Variants in PLEKHO2 observed in about 807,000 individuals in gnomAD.
PLEKHO2 encodes pleckstrin homology domain-containing family O member 2.
PLEKHO2 carries 20 observed loss-of-function variants against 32.7 expected under a neutral mutation model. The ratio of observed to expected loss-of-function variants is 0.61; its 90% CI spans 0.43 to 0.89. The LOEUF (loss-of-function observed/expected upper bound fraction) is 0.89, where lower values mean the gene tolerates loss of function less well. PLEKHO2 is among the 40% of genes least tolerant of loss of function. The probability of loss-of-function intolerance (pLI) is 0.00; values close to 1 mark genes in which losing one functional copy is unlikely to be tolerated. For missense variants in PLEKHO2, 568 were observed against 621.2 expected, an observed-to-expected ratio of 0.91 and a Z score of 0.91; for synonymous variants, 247 against 246.3, an observed-to-expected ratio of 1.00 and a Z score of -0.03.
At chr15:64,845,025 A>ACT (rs2084512769) in intron 1 of PLEKHO2, among the ~76,000 whole-genome samples, 1 of 152,054 alleles carries the variant, frequency 6.6e-6, no homozygotes, top group South Asian at 2.1e-4. Flanking sequence ...CCGGCACAGG[A>ACT]CTCTGACACG....
intron 1 of PLEKHO2, among the ~76,000 whole-genome samples, chr15:64,843,030 A>C (rs1433797667): frequency 6.6e-6 from 1 of 152,116 alleles, no homozygotes; most frequent in African/African-American, 2.4e-5. Flanking sequence ...ATGGGGAGGA[A>C]AGATGAAGTT....
intron 2 of PLEKHO2, among the ~76,000 whole-genome samples, chr15:64,854,100 C>T (rs1292272444): frequency 6.6e-6 from 1 of 152,196 alleles, no homozygotes; most frequent in African/African-American, 2.4e-5. Flanking sequence ...CAGTTGACCA[C>T]CACTGAGGGA....
chr15:64,854,909 C>A lies in PLEKHO2; in HGVS notation c.163-12C>A. On this transcript the variant is annotated splice_polypyrimidine_tract_variant and intron_variant, in intron 2 of 5. Coordinates refer to ENST00000323544, the MANE Select transcript of PLEKHO2 (RefSeq NM_025201.5). ...TGTCACCAGCTCATGTCCCTTCTGTCTCCCTCCCCAGGATGATCAGAAGTG... is the reference window on the plus strand; with the variant it reads ...TGTCACCAGCTCATGTCCCTTCTGTATCCCTCCCCAGGATGATCAGAAGTG... 1 of 1,607,142 alleles carries A rather than the reference C, an allele frequency of 6.2e-7. No individual in the cohort carries two copies. Among genetic ancestry groups the A allele is most frequent in the Non-Finnish European group, 8.5e-7 (1 of 1,174,154 alleles).
At chr15:64,849,558 C>G (rs2084550595) in intron 2 of PLEKHO2, among the ~76,000 whole-genome samples, 1 of 152,000 alleles carries the variant, frequency 6.6e-6, no homozygotes, top group African/African-American at 2.4e-5. Context: ...ATTCTCCTGC[C>G]TCAGCCTCCC....
At position 64,861,588 on chromosome 15, in the gene PLEKHO2, C is replaced by T; in HGVS notation, c.483+13C>T. The T allele has an allele frequency of 6.3e-7, 1 of 1,577,500 alleles. No homozygotes were observed. The highest frequency in any genetic ancestry group is 2.3e-5 in the East Asian group (1 of 43,078). On this transcript the variant is annotated intron_variant, in intron 5 of 5. Coordinates refer to ENST00000323544, the MANE Select transcript of PLEKHO2 (RefSeq NM_025201.5). Reference sequence around the variant, plus strand: ...CCACCTGAAGGAGGTAGGGCCTTACCCAGTGTGGATGTTGGGGTTAGTTGA... The same window carrying T: ...CCACCTGAAGGAGGTAGGGCCTTACTCAGTGTGGATGTTGGGGTTAGTTGA...
intron 3 of PLEKHO2, among the ~76,000 whole-genome samples, chr15:64,857,609 G>C (rs531601875): frequency 6.6e-6 from 1 of 152,148 alleles, no homozygotes; most frequent in South Asian, 2.1e-4. Context: ...TGCCTGGCTC[G>C]TTCAGCCAGA....
Position 64,846,787 on chromosome 15 carries a change from A to G in PLEKHO2, c.13-1806A>G, listed in dbSNP as rs1237353460. ...TGACTTGGGAACTGGGCCCAGGGAG[A>G]GGGTCCCTGAGAGCCAGAGAGGATG... On this transcript the variant is annotated intron_variant, in intron 1 of 5. Transcript: ENST00000323544. Among the ~76,000 whole-genome samples the G allele has an allele frequency of 3.3e-5, 5 of 152,312 alleles. No homozygotes were observed. The East Asian group carries it at 5.8e-4, about 18-fold the overall frequency.
At chr15:64,852,480 T>C (rs2084576159) in intron 2 of PLEKHO2, among the ~76,000 whole-genome samples, 1 of 152,220 alleles carries the variant, frequency 6.6e-6, no homozygotes, top group Admixed American at 6.5e-5. Flanking sequence ...AGATATACAG[T>C]CATCTGCTTT....
chr15:64,854,948 G>C lies in PLEKHO2; in HGVS notation c.190G>C (p.Glu64Gln). ...EDDQKCVETV[E>Q]LGSYEKCQDL... The stretch of plus-strand genomic sequence containing the variant: ...TGATCAGAAGTGTGTGGAGACTGTG[G>C]AGCTGGGCAGCTATGAGAAGTGCCA... The change falls in exon 3 of 6, where the codon GAG (glutamate) becomes CAG (glutamine). Residue 64 changes from glutamate (E) to glutamine (Q), a missense_variant. Glu to Gln is a conservative substitution (Grantham distance 29). Coordinates refer to ENST00000323544, the MANE Select transcript of PLEKHO2 (RefSeq NM_025201.5). The C allele has an allele frequency of 6.2e-7, 1 of 1,612,862 alleles. No individual in the cohort carries two copies. The highest frequency in any genetic ancestry group is 8.5e-7 in the Non-Finnish European group (1 of 1,179,602).
intron 1 of PLEKHO2, among the ~76,000 whole-genome samples, chr15:64,846,618 C>A (rs981042951): frequency 1.3e-5 from 2 of 152,142 alleles, no homozygotes; most frequent in African/African-American, 4.8e-5. Context: ...TAGAAGAAGA[C>A]CCTGGGAAGA....
chr15:64,853,090 TATC>T (rs1009481250), intron 2 of PLEKHO2, among the ~76,000 whole-genome samples: 14 of 149,742 alleles, frequency 9.3e-5, no homozygotes, highest in Admixed American at 9.3e-4. Context: ...AGTGAGCCGA[TATC>T]ATGCCACTGC....
At chr15:64,863,286 G>A (rs941128484) in intron 5 of PLEKHO2, among the ~76,000 whole-genome samples, 1 of 152,178 alleles carries the variant, frequency 6.6e-6, no homozygotes, top group Non-Finnish European at 1.5e-5. Flanking sequence ...CCGGGGTGCA[G>A]GGCTGGGTTT....
intron 2 of PLEKHO2, among the ~76,000 whole-genome samples, chr15:64,853,937 A>T (rs111787833): frequency 6.6e-6 from 1 of 152,278 alleles, no homozygotes; most frequent in African/African-American, 2.4e-5. Context: ...CTTCTGTTAA[A>T]CATCAGCAAG....
At chr15:64,856,732 T>A (rs1254284534) in intron 3 of PLEKHO2, among the ~76,000 whole-genome samples, 2 of 152,080 alleles carry the variant, frequency 1.3e-5, no homozygotes, top group Admixed American at 6.6e-5. Flanking sequence ...TGCATCCTGG[T>A]TCCAGCTCAA....
intron 2 of PLEKHO2, among the ~76,000 whole-genome samples, chr15:64,852,788 T>G (rs1366633986): frequency 1.3e-5 from 2 of 151,892 alleles, no homozygotes; most frequent in Non-Finnish European, 2.9e-5. Flanking sequence ...GCCCAGCTAA[T>G]TTTTGTATTT....
In PLEKHO2 at chr15:64,864,974, C is replaced by T; in HGVS notation, c.559C>T (p.Pro187Ser). ...GGACAGTGGGCCACCAGTGTTTGCC[C>T]CCAGCAATCATGTCAGTGAAGCCCA... ...VPDSGPPVFAPSNHVSEAQPR... is the reference protein window; with the variant it reads ...VPDSGPPVFASSNHVSEAQPR... The change falls in exon 6 of 6, where the codon CCC becomes TCC. Residue 187 changes from proline (P) to serine (S), a missense_variant. Coordinates refer to ENST00000323544, the MANE Select transcript of PLEKHO2 (RefSeq NM_025201.5). The T allele has an allele frequency of 6.2e-7, 1 of 1,614,140 alleles. No homozygotes were observed. The highest frequency in any genetic ancestry group is 1.1e-5 in the South Asian group (1 of 91,084).
At chr15:64,853,031 C>T (rs1359404630) in intron 2 of PLEKHO2, among the ~76,000 whole-genome samples, 2 of 149,540 alleles carry the variant, frequency 1.3e-5, no homozygotes, top group Admixed American at 6.7e-5. Context: ...CCCAGCTACT[C>T]GGGGGGCTGA....
chr15:64,852,758 C>G (rs2084577907), intron 2 of PLEKHO2, among the ~76,000 whole-genome samples: 1 of 151,892 alleles, frequency 6.6e-6, no homozygotes, highest in African/African-American at 2.4e-5. Flanking sequence ...GTAGCTGGGA[C>G]CACAGGCTCA....
At chr15:64,845,240 T>G in intron 1 of PLEKHO2, among the ~76,000 whole-genome samples, 4 of 136,884 alleles carry the variant, frequency 2.9e-5, no homozygotes, top group African/African-American at 8.1e-5. Context: ...TTTTAATGAG[T>G]GATCCAAGGG....
Sources: gnomAD v4.1 joint callset for allele counts (sites outside exome capture counted in the v4.1 genomes callset) on GRCh38, gnomAD v4.1.1 for gene constraint, MANE v1.5 for transcripts, NCBI Gene and HGNC (gene_info 2026-07-23, HGNC 2026-07-21) for gene names.